ALG11: variants seen among roughly 807,000 people sequenced by gnomAD.
ALG11 encodes the protein ALG11 alpha-1,2-mannosyltransferase, also known as GDP-Man:Man(3)GlcNAc(2)-PP-Dol alpha-1,2-mannosyltransferase.
A neutral mutation model predicts 38.8 loss-of-function variants in ALG11; 26 were observed. The ratio of observed to expected loss-of-function variants is 0.67; its 90% CI spans 0.49 to 0.93. ALG11 has a LOEUF of 0.93. Among genes scored for constraint, ALG11 ranks in the 40% least tolerant of loss-of-function variants. The pLI is 0.00. For synonymous variants in ALG11, 199 were observed against 211.6 expected (o/e 0.94, Z 0.52); for missense variants, 535 against 578.8 (o/e 0.92, Z 0.78).
intron 3 of ALG11, among the ~76,000 whole-genome samples, chr13:52,028,115 G>C (rs1954259266): frequency 6.6e-6 from 1 of 151,912 alleles, no homozygotes; most frequent in African/African-American, 2.4e-5. Flanking sequence ...AAGTGAAGCA[G>C]TATTATTATG....
At chr13:52,026,589 T>C (rs1319489720) in intron 3 of ALG11, among the ~76,000 whole-genome samples, 1 of 152,094 alleles carries the variant, frequency 6.6e-6, no homozygotes, top group Non-Finnish European at 1.5e-5. Context: ...GACCAGGACT[T>C]GGTGATTAAC....
Position 52,031,005 on chromosome 13 carries a change from A to G in ALG11, c.*2415A>G. Reference sequence around the variant, plus strand: ...CATATCATTAAGCCCATAAAAGCAGAGGATGTGGGCTACCAGTCTTCCTCA... The same window carrying G: ...CATATCATTAAGCCCATAAAAGCAGGGGATGTGGGCTACCAGTCTTCCTCA... On this transcript the variant is annotated 3_prime_UTR_variant, in exon 4 of 4. Transcript: ENST00000521508. 1 of 1,614,210 alleles carries G rather than the reference A, an allele frequency of 6.2e-7. No individual in the cohort carries two copies. The highest frequency in any genetic ancestry group is 1.1e-5 in the South Asian group (1 of 91,080).
At position 52,028,250 on chromosome 13, in the gene ALG11, A is replaced by G. The variant is rs150992881; in HGVS notation, c.1208-69A>G. 4.4e-4 allele frequency: 693 copies of G among 1,576,892 alleles called. 2 individuals carry two copies. The African/African-American group carries it at 7.8e-3, about 18-fold the overall frequency. The stretch of plus-strand genomic sequence containing the variant: ...TCCCTTAAATTTTTTGAAGATTTCT[A>G]TTCATCCTCATTCTTATGAACACAC... On this transcript the variant is annotated intron_variant, in intron 3 of 3. Transcript: ENST00000521508.
intron 3 of ALG11, among the ~76,000 whole-genome samples, chr13:52,026,160 C>G (rs1198111294): frequency 6.6e-6 from 1 of 152,188 alleles, no homozygotes; most frequent in African/African-American, 2.4e-5. Flanking sequence ...AGAAACCTAA[C>G]ACAGACTTGT....
rs1954239628 is a variant in ALG11, at chr13:52,026,252, G to GA, written c.1207+1316dup. Among the ~76,000 whole-genome samples the GA allele has an allele frequency of 1.3e-5, 2 of 152,348 alleles. 1 individual carries two copies. Among genetic ancestry groups the GA allele is most frequent in the South Asian group, 4.1e-4 (2 of 4,830 alleles). ...AATAGAGGTTAGCCAGGAGAGAGGG[G>GA]AGAGTCTCCAGCAGAGGGAACAGCA... On this transcript the variant is annotated intron_variant, in intron 3 of 3. Transcript: ENST00000521508.
In ALG11 at chr13:52,030,362, T is replaced by C; in HGVS notation, c.*1772T>C. On this transcript the variant is annotated 3_prime_UTR_variant, in exon 4 of 4. Coordinates refer to ENST00000521508, the MANE Select transcript of ALG11 (RefSeq NM_001004127.3). ...GCTAGAAGAGCTGGGAAAAGAAGAT[T>C]GTTTTCAAAATAAGGAGCTTCCCAG... is the stretch of plus-strand genomic sequence containing the variant. 1.2e-5 allele frequency: 19 copies of C among 1,614,118 alleles called. No homozygotes were observed. The highest frequency in any genetic ancestry group is 1.5e-5 in the Non-Finnish European group (18 of 1,180,022).
chr13:52,023,943 T>C, intron 2 of ALG11, 63 bp from the exon 3 acceptor site: 1 of 1,483,310 alleles, frequency 6.7e-7, no homozygotes, highest in Non-Finnish European at 9.4e-7. Context: ...TACAGGTGCG[T>C]GCCACCGTGT....
chr13:52,028,957 C>T lies in ALG11; in HGVS notation c.*367C>T. On this transcript the variant is annotated 3_prime_UTR_variant, in exon 4 of 4. Transcript: ENST00000521508. Reference sequence around the variant, plus strand: ...AAAAGCTTCTGGAAGCAATCATTTCCCTTGATGGAAAGAATAGGCGGAAAT... The same window carrying T: ...AAAAGCTTCTGGAAGCAATCATTTCTCTTGATGGAAAGAATAGGCGGAAAT... 1.9e-6 allele frequency: 3 copies of T among 1,614,196 alleles called. No individual in the cohort carries two copies. The highest frequency in any genetic ancestry group is 2.5e-6 in the Non-Finnish European group (3 of 1,180,044).
In ALG11 at chr13:52,033,475, T is replaced by G. The variant is rs1417657766; in HGVS notation, c.*4885T>G. 1 of 167,144 alleles carries G rather than the reference T, an allele frequency of 6.0e-6. No homozygotes were observed. The highest frequency in any genetic ancestry group is 1.5e-5 in the Non-Finnish European group (1 of 68,130). 10.4% of individuals were successfully genotyped at this position (167,144 alleles called of 1,614,324 possible). Reference sequence around the variant, plus strand: ...AGTGATTTTTCATTCTCTTGGATTCTTTCCAGTGTGGTGCCTTTTATATGC... The same window carrying G: ...AGTGATTTTTCATTCTCTTGGATTCGTTCCAGTGTGGTGCCTTTTATATGC... On this transcript the variant is annotated 3_prime_UTR_variant, in exon 4 of 4. Transcript: ENST00000521508.
intron 2 of ALG11, among the ~76,000 whole-genome samples, chr13:52,019,379 G>T (rs575928615): frequency 4.0e-5 from 6 of 151,776 alleles, no homozygotes; most frequent in African/African-American, 1.2e-4. Flanking sequence ...CCGCCACCAC[G>T]TCCGGCTAAT....
chr13:52,016,219 A>G (rs2140829442), intron 1 of ALG11: 1 of 152,384 alleles, frequency 6.6e-6, no homozygotes, highest in South Asian at 2.1e-4. Context: ...AAAGAATTCA[A>G]GAAGTGACTT....
Position 52,030,274 on chromosome 13 carries a change from T to C in ALG11, c.*1684T>C, listed in dbSNP as rs776401693. 6.2e-7 allele frequency: 1 copy of C among 1,614,176 alleles called. No individual in the cohort carries two copies. Among genetic ancestry groups the C allele is most frequent in the Non-Finnish European group, 8.5e-7 (1 of 1,180,036 alleles). On this transcript the variant is annotated 3_prime_UTR_variant, in exon 4 of 4. Transcript: ENST00000521508. The stretch of plus-strand genomic sequence containing the variant: ...TTCCCCAGGTCCAGAGAGAGGAACC[T>C]GCCCCAGAAGAAGCGGAACCCCTAT...
chr13:52,018,389 G>A (rs973943972), intron 1 of ALG11, among the ~76,000 whole-genome samples: 1 of 152,114 alleles, frequency 6.6e-6, no homozygotes, highest in Non-Finnish European at 1.5e-5. Context: ...ATACAGAACT[G>A]GAAATAGAAG....
In ALG11 at chr13:52,014,353, T is replaced by A. The variant is rs560746223; in HGVS notation, c.44+1891T>A. 2.6e-5 allele frequency among the ~76,000 whole-genome samples: 4 copies of A among 152,280 alleles called. No individual in the cohort carries two copies. The East Asian group carries it at 7.7e-4, about 29-fold the overall frequency. On this transcript the variant is annotated intron_variant, in intron 1 of 3. Coordinates refer to ENST00000521508, the MANE Select transcript of ALG11 (RefSeq NM_001004127.3). ...GTTTTTTAATAAAAATATGTTAATG[T>A]GTTATGAAAGAATTTTTATTTTCAA...
In ALG11 at chr13:52,029,953, A is replaced by C. The variant is rs764099573; in HGVS notation, c.*1363A>C. 3 of 1,614,102 alleles carry C rather than the reference A, an allele frequency of 1.9e-6. No homozygotes were observed. The highest frequency in any genetic ancestry group is 2.5e-6 in the Non-Finnish European group (3 of 1,180,036). On this transcript the variant is annotated 3_prime_UTR_variant, in exon 4 of 4. Transcript: ENST00000521508. The stretch of plus-strand genomic sequence containing the variant: ...TCAGGAGCTGCACCAGTGACACCAA[A>C]GAGGCTGCAACACAGGAGGACCCTG...
intron 1 of ALG11, among the ~76,000 whole-genome samples, chr13:52,015,141 G>A (rs193125645): frequency 1.3e-5 from 2 of 152,332 alleles, no homozygotes; most frequent in Non-Finnish European, 2.9e-5. Flanking sequence ...AGCAGCTCAT[G>A]CCTGTAATCT....
rs1208233603 is a variant in ALG11, at chr13:52,030,421, C to T, written c.*1831C>T. ...TAGAAGGACAGCAGTCAGAGAGGAC[C>T]CCAAATAATCGGCCTGATGCCCCTA... On this transcript the variant is annotated 3_prime_UTR_variant, in exon 4 of 4. Coordinates refer to ENST00000521508, the MANE Select transcript of ALG11 (RefSeq NM_001004127.3). 6.2e-7 allele frequency: 1 copy of T among 1,613,986 alleles called. No homozygotes were observed. The highest frequency in any genetic ancestry group is 1.7e-5 in the Admixed American group (1 of 59,988).
chr13:52,027,196 C>T (rs1954249617), intron 3 of ALG11, among the ~76,000 whole-genome samples: 1 of 151,828 alleles, frequency 6.6e-6, no homozygotes, highest in Non-Finnish European at 1.5e-5. Flanking sequence ...CAGAAGTGAA[C>T]AAGTAGAGTT....
intron 2 of ALG11, chr13:52,023,495 G>A (rs1954203605): frequency 6.6e-6 from 1 of 151,806 alleles, no homozygotes; most frequent in Admixed American, 6.6e-5. Flanking sequence ...CTACTCGGGA[G>A]GCTGAGGCGG....
Sources: allele counts gnomAD v4.1 joint callset (sites outside exome capture counted in the v4.1 genomes callset), GRCh38; gene constraint gnomAD v4.1.1; transcripts MANE v1.5; gene names NCBI Gene and HGNC (gene_info 2026-07-23, HGNC 2026-07-21).